The following ATP8B4 variants were observed in gnomAD, a reference collection of about 807,000 sequenced individuals.
The protein encoded by ATP8B4 is probable phospholipid-transporting ATPase IM.
In ATP8B4, 133 loss-of-function variants were observed where a neutral mutation model predicts 145.6. The observed-to-expected ratio is 0.91, with a 90% CI of 0.79 to 1.05. The LOEUF (loss-of-function observed/expected upper bound fraction) is 1.05, where lower values mean the gene tolerates loss of function less well. Among genes scored for constraint, ATP8B4 ranks in the 50% least tolerant of loss-of-function variants. The probability of loss-of-function intolerance (pLI) is 0.00; values close to 1 mark genes in which losing one functional copy is unlikely to be tolerated. For synonymous variants in ATP8B4, 507 were observed against 492.9 expected (o/e 1.03, Z -0.38); for missense variants, 1,458 against 1,425.2 (o/e 1.02, Z -0.37).
chr15:50,089,014 A>AC (rs1303614147), intron 2 of ATP8B4, among the ~76,000 whole-genome samples: 1 of 152,168 alleles, frequency 6.6e-6, no homozygotes, highest in Non-Finnish European at 1.5e-5. Context: ...CCTGACAAAA[A>AC]CAAGCAATGG....
At chr15:49,975,140 A>G (rs1432759442) in intron 12 of ATP8B4, among the ~76,000 whole-genome samples, 1 of 152,186 alleles carries the variant, frequency 6.6e-6, no homozygotes, top group Non-Finnish European at 1.5e-5. Flanking sequence ...TATTAGGTCT[A>G]TGTTAAACTC....
chr15:50,174,370 G>A (rs1001062227), intron 1 of ATP8B4, among the ~76,000 whole-genome samples: 1 of 151,994 alleles, frequency 6.6e-6, no homozygotes, highest in Admixed American at 6.6e-5. Flanking sequence ...GTTTGCTGAC[G>A]ATAGGATCAT....
At chr15:50,067,699 T>C (rs1002583903) in intron 3 of ATP8B4, among the ~76,000 whole-genome samples, 2 of 152,174 alleles carry the variant, frequency 1.3e-5, no homozygotes, top group African/African-American at 2.4e-5. Flanking sequence ...ACCCCCTTTC[T>C]TAATAGCTCC....
intron 4 of ATP8B4, among the ~76,000 whole-genome samples, chr15:50,045,927 G>A (rs895544299): frequency 5.9e-5 from 9 of 152,222 alleles, no homozygotes; most frequent in African/African-American, 1.7e-4. Context: ...GAGGTGGGGG[G>A]AAGAAATTTG....
chr15:49,942,144 A>G (rs2042209189), intron 14 of ATP8B4, among the ~76,000 whole-genome samples: 1 of 152,198 alleles, frequency 6.6e-6, no homozygotes, highest in Non-Finnish European at 1.5e-5. Flanking sequence ...CACGACTGCA[A>G]TTCATCCATG....
At chr15:49,999,167 A>G (rs187777730) in intron 8 of ATP8B4, among the ~76,000 whole-genome samples, 2,060 of 152,226 alleles carry the variant, frequency 0.014, 27 homozygotes, top group Non-Finnish European at 0.018. Context: ...GGATTAAGAA[A>G]ATGTGGCACA....
intron 3 of ATP8B4, among the ~76,000 whole-genome samples, chr15:50,055,741 A>G (rs2153616278): frequency 6.6e-6 from 1 of 152,356 alleles, no homozygotes; most frequent in African/African-American, 2.4e-5. Context: ...TCTCTAAGCC[A>G]TAAAATAAAA....
intron 6 of ATP8B4, among the ~76,000 whole-genome samples, chr15:50,035,170 T>C (rs950737539): frequency 1.2e-4 from 18 of 151,930 alleles, no homozygotes; most frequent in African/African-American, 4.4e-4. Context: ...AAAAGTGAAA[T>C]TGTAGAGGAA....
Position 50,086,181 on chromosome 15 carries a change from ATATT to A in ATP8B4, c.29-12000_29-11997del, listed in dbSNP as rs1156368641. 9.2e-3 allele frequency among the ~76,000 whole-genome samples: 1,010 copies of A among 109,578 alleles called. 65 individuals carry two copies. Among genetic ancestry groups the A allele is most frequent in the African/African-American group, 0.04 (981 of 24,286 alleles). 71.9% of individuals were successfully genotyped at this position (109,578 alleles called of 152,430 possible). On this transcript the variant is annotated intron_variant, in intron 2 of 27. Coordinates refer to ENST00000284509, the MANE Select transcript of ATP8B4 (RefSeq NM_024837.4). ...ATATAATAAAATAATATAGAGATCT[ATATT>A]TATTATATATAATAAAATAATATAG...
intron 1 of ATP8B4, among the ~76,000 whole-genome samples, chr15:50,166,002 CA>C (rs2044593172): frequency 1.3e-5 from 2 of 151,782 alleles, no homozygotes; most frequent in African/African-American, 4.8e-5. Context: ...CACACACACA[CA>C]CACACCTCAT....
At chr15:50,089,966 T>G (rs1411765371) in intron 2 of ATP8B4, among the ~76,000 whole-genome samples, 1 of 152,108 alleles carries the variant, frequency 6.6e-6, no homozygotes, top group African/African-American at 2.4e-5. Flanking sequence ...TCAACCCAAA[T>G]GCCCATCAAT....
At chr15:50,017,597 T>A (rs2049189061) in intron 6 of ATP8B4, among the ~76,000 whole-genome samples, 1 of 152,210 alleles carries the variant, frequency 6.6e-6, no homozygotes, top group South Asian at 2.1e-4. Flanking sequence ...TTGCCTCTAG[T>A]GATAGTCTCA....
chr15:49,901,225 T>C lies in ATP8B4; in HGVS notation c.2156A>G (p.Asn719Ser). Residue 719 changes from asparagine (N) to serine (S), a missense_variant, in exon 21 of 28, where the codon AAT (asparagine) becomes AGT (serine). Transcript: ENST00000284509. ...AAAATTTCTGTTTTGTCCAAACAAA[T>C]TTTGTTTTGCTTTCCTTAAAGGAGA... ...VREELRKAKQ[N>S]LFGQNRNFSN... 2 of 1,613,286 alleles carry C rather than the reference T, an allele frequency of 1.2e-6. No individual in the cohort carries two copies. The highest frequency in any genetic ancestry group is 1.7e-4 in the Middle Eastern group (1 of 6,054).
At chr15:49,915,779 T>C (rs187607305) in intron 20 of ATP8B4, among the ~76,000 whole-genome samples, 14 of 151,958 alleles carry the variant, frequency 9.2e-5, no homozygotes, top group South Asian at 2.1e-4. Flanking sequence ...AATTTTTATT[T>C]GGCAAAGACA....
At chr15:50,181,020 T>C (rs1273233768) in intron 1 of ATP8B4, among the ~76,000 whole-genome samples, 1 of 152,134 alleles carries the variant, frequency 6.6e-6, no homozygotes, top group Non-Finnish European at 1.5e-5. Flanking sequence ...ACCAAACAGA[T>C]ACCATTTCCA....
intron 1 of ATP8B4, among the ~76,000 whole-genome samples, chr15:50,137,360 G>T (rs989273673): frequency 1.3e-5 from 2 of 151,988 alleles, no homozygotes; most frequent in Non-Finnish European, 2.9e-5. Context: ...ATTCTGGAAG[G>T]CTCTTCAGAG....
intron 23 of ATP8B4, among the ~76,000 whole-genome samples, chr15:49,882,306 AC>A (rs1307861403): frequency 6.6e-6 from 1 of 151,974 alleles, no homozygotes; most frequent in Non-Finnish European, 1.5e-5. Flanking sequence ...ACTCCTATCT[AC>A]CCTCAAGAGT....
intron 6 of ATP8B4, among the ~76,000 whole-genome samples, chr15:50,026,327 A>G (rs1414491307): frequency 6.6e-6 from 1 of 152,184 alleles, no homozygotes; most frequent in East Asian, 1.9e-4. Flanking sequence ...TCAAACTTCA[A>G]TGTACATGAG....
chr15:50,179,977 T>C (rs2044821171), intron 1 of ATP8B4, among the ~76,000 whole-genome samples: 1 of 152,218 alleles, frequency 6.6e-6, no homozygotes, highest in African/African-American at 2.4e-5. Flanking sequence ...GTATATATTA[T>C]AGACATTTGA....
Sources: gnomAD v4.1 joint callset for allele counts (sites outside exome capture counted in the v4.1 genomes callset) on GRCh38, gnomAD v4.1.1 for gene constraint, MANE v1.5 for transcripts, NCBI Gene and HGNC (gene_info 2026-07-23, HGNC 2026-07-21) for gene names.